Variants in GALNT14 observed in about 807,000 individuals in gnomAD.
GALNT14 encodes the protein UDP-GalNAc:polypeptide N-acetylgalactosaminyltransferase 14.
A neutral mutation model predicts 77.5 loss-of-function variants in GALNT14; 60 were observed. The ratio of observed to expected loss-of-function variants is 0.77; its 90% CI spans 0.63 to 0.96. The LOEUF (loss-of-function observed/expected upper bound fraction) is 0.96. Among genes scored for constraint, GALNT14 ranks in the 40% least tolerant of loss-of-function variants. The pLI, the probability that GALNT14 is intolerant of heterozygous loss-of-function variation, is 0.00. For synonymous variants in GALNT14, 280 were observed against 281.7 expected (o/e 0.99, Z 0.06); for missense variants, 710 against 731.0 (o/e 0.97, Z 0.33).
chr2:31,068,180 T>G (rs574537306), intron 1 of GALNT14, among the ~76,000 whole-genome samples: 1 of 152,266 alleles, frequency 6.6e-6, no homozygotes, highest in East Asian at 1.9e-4. Context: ...AGAAGGCAGC[T>G]GTAGACTTAA....
At chr2:30,990,504 A>G (rs555389130) in intron 2 of GALNT14, among the ~76,000 whole-genome samples, 1 of 152,330 alleles carries the variant, frequency 6.6e-6, no homozygotes, top group Non-Finnish European at 1.5e-5. Flanking sequence ...TATAGACGGA[A>G]GGGCCCAGTT....
intron 1 of GALNT14, among the ~76,000 whole-genome samples, chr2:31,120,296 A>T (rs1678341592): frequency 1.3e-5 from 2 of 152,182 alleles, no homozygotes; most frequent in Admixed American, 6.6e-5. Context: ...ACCAAAACAG[A>T]TCTGTAAATG....
At chr2:30,924,365 G>T in intron 12 of GALNT14, 102 bp from the exon 13 acceptor site, 1 of 1,284,212 alleles carries the variant, frequency 7.8e-7, no homozygotes, top group Non-Finnish European at 1.1e-6. Flanking sequence ...GGCAGGGCTG[G>T]GCTGTTAGAA....
At chr2:31,045,508 G>A (rs1398951562) in intron 1 of GALNT14, among the ~76,000 whole-genome samples, 1 of 152,142 alleles carries the variant, frequency 6.6e-6, no homozygotes, top group Non-Finnish European at 1.5e-5. Flanking sequence ...TGTCGCCCAT[G>A]CTGGAGTTCA....
At chr2:31,007,482 G>A (rs1200742518) in intron 1 of GALNT14, among the ~76,000 whole-genome samples, 1 of 152,182 alleles carries the variant, frequency 6.6e-6, no homozygotes, top group Non-Finnish European at 1.5e-5. Context: ...AAGCACTGGT[G>A]GCATGATCCC....
At chr2:31,087,536 A>AGAGGGGGAGAGAGGAGAGGAG (rs1160670621) in intron 1 of GALNT14, among the ~76,000 whole-genome samples, 1 of 150,406 alleles carries the variant, frequency 6.6e-6, no homozygotes, top group Non-Finnish European at 1.5e-5. Context: ...CGAGGAGAGG[A>AGAGGGGGAGAGAGGAGAGGAG]AGACCTCTAG....
At chr2:31,057,614 T>G (rs1168975253) in intron 1 of GALNT14, among the ~76,000 whole-genome samples, 1 of 151,910 alleles carries the variant, frequency 6.6e-6, no homozygotes, top group East Asian at 1.9e-4. Flanking sequence ...CTGTTTTTAT[T>G]CATCCAGCCT....
At chr2:30,901,745 C>T in the GALNT14 span, among the ~76,000 whole-genome samples, 1 of 151,544 alleles carries the variant, frequency 6.6e-6, no homozygotes, top group Non-Finnish European at 1.5e-5. Context: ...CACATCACAC[C>T]AATAAAACAC....
chr2:30,931,722 C>T (rs1336632165), intron 10 of GALNT14, among the ~76,000 whole-genome samples: 1 of 152,078 alleles, frequency 6.6e-6, no homozygotes, highest in Non-Finnish European at 1.5e-5. Context: ...TCTAGAACTC[C>T]AAAGTAAAAA....
At chr2:30,915,328 C>A (rs969649658) in intron 13 of GALNT14, among the ~76,000 whole-genome samples, 1 of 152,120 alleles carries the variant, frequency 6.6e-6, no homozygotes, top group African/African-American at 2.4e-5. Flanking sequence ...ATGAAAACAT[C>A]TCAAAGACCC....
At chr2:30,925,324 G>A (rs998890098) in intron 11 of GALNT14, among the ~76,000 whole-genome samples, 20 of 152,282 alleles carry the variant, frequency 1.3e-4, no homozygotes, top group Middle Eastern at 3.4e-3. Flanking sequence ...GTCAGGCATT[G>A]TACCCAATGT....
intron 1 of GALNT14, among the ~76,000 whole-genome samples, chr2:31,087,712 G>A (rs1676517156): frequency 6.6e-6 from 1 of 152,214 alleles, no homozygotes; most frequent in South Asian, 2.1e-4. Context: ...GCTATTGAGA[G>A]ACAGAGAGGG....
intron 1 of GALNT14, among the ~76,000 whole-genome samples, chr2:31,086,075 T>C (rs1467526016): frequency 1.3e-5 from 2 of 152,132 alleles, no homozygotes; most frequent in African/African-American, 4.8e-5. Context: ...CTATGACATG[T>C]GGGGATTATG....
chr2:30,905,040 C>T, the GALNT14 span, among the ~76,000 whole-genome samples: 1 of 152,108 alleles, frequency 6.6e-6, no homozygotes, highest in African/African-American at 2.4e-5. Context: ...GAAAGGACAT[C>T]CACACCAAAA....
intron 1 of GALNT14, among the ~76,000 whole-genome samples, chr2:31,079,345 G>A (rs560583074): frequency 1.3e-5 from 2 of 152,294 alleles, no homozygotes; most frequent in Admixed American, 1.3e-4. Context: ...GCACCTGAAT[G>A]TGTGTTCAGA....
intron 1 of GALNT14, among the ~76,000 whole-genome samples, chr2:31,054,868 A>G (rs1674111600): frequency 6.6e-6 from 1 of 152,234 alleles, no homozygotes; most frequent in Non-Finnish European, 1.5e-5. Context: ...TCATAACATC[A>G]GAGCCATTTA....
intron 1 of GALNT14, among the ~76,000 whole-genome samples, chr2:31,074,079 G>A (rs1675601479): frequency 6.6e-6 from 1 of 152,192 alleles, no homozygotes; most frequent in African/African-American, 2.4e-5. Flanking sequence ...GGTAAATGTG[G>A]ATGAGAAATG....
At chr2:31,124,432 G>GCC (rs1558584569) in intron 1 of GALNT14, among the ~76,000 whole-genome samples, 1 of 152,138 alleles carries the variant, frequency 6.6e-6, no homozygotes, top group Admixed American at 6.5e-5. Flanking sequence ...AATTTACCAG[G>GCC]CGTTGTTCTG....
At chr2:31,050,767 GTTTT>G (rs1269353975) in intron 1 of GALNT14, among the ~76,000 whole-genome samples, 1 of 65,266 alleles carries the variant, frequency 1.5e-5, no homozygotes, top group African/African-American at 5.7e-5. Flanking sequence ...AAAGCAAAAA[GTTTT>G]TTGTTTTTTT....
Sources: allele counts gnomAD v4.1 joint callset (sites outside exome capture counted in the v4.1 genomes callset), GRCh38; gene constraint gnomAD v4.1.1; transcripts MANE v1.5; gene names NCBI Gene and HGNC (gene_info 2026-07-23, HGNC 2026-07-21).